GPC5: variants seen among roughly 807,000 people sequenced by gnomAD.
The protein encoded by GPC5 is glypican 5.
Under a neutral mutation model 53.9 loss-of-function variants are expected in GPC5, and 47 were observed. The observed-to-expected ratio is 0.87, with a 90% CI of 0.69 to 1.11. The LOEUF (loss-of-function observed/expected upper bound fraction) is 1.11. Ranked by LOEUF, GPC5 falls within the 50% of genes most tolerant of loss-of-function variation. The pLI, the probability that GPC5 is intolerant of heterozygous loss-of-function variation, is 0.00. For synonymous variants in GPC5, 286 were observed against 263.3 expected, an observed-to-expected ratio of 1.09 and a Z score of -0.84; for missense variants, 748 against 713.1, an observed-to-expected ratio of 1.05 and a Z score of -0.56.
intron 2 of GPC5, among the ~76,000 whole-genome samples, chr13:91,643,463 T>C (rs2034483204): frequency 6.6e-6 from 1 of 152,220 alleles, no homozygotes; most frequent in Admixed American, 6.5e-5. Flanking sequence ...TTGGGCCCTT[T>C]GTATGACAAA....
intron 7 of GPC5, among the ~76,000 whole-genome samples, chr13:92,217,290 C>G (rs1453755038): frequency 6.6e-6 from 1 of 152,184 alleles, no homozygotes; most frequent in Non-Finnish European, 1.5e-5. Context: ...GACTCCTAAG[C>G]CTTCTCCTAA....
At chr13:91,901,341 A>G (rs1279070046) in intron 5 of GPC5, among the ~76,000 whole-genome samples, 1 of 152,112 alleles carries the variant, frequency 6.6e-6, no homozygotes, top group Non-Finnish European at 1.5e-5. Context: ...GTGGGATCAC[A>G]AAAGGCTTAA....
chr13:92,148,998 C>A (rs1225249172), intron 7 of GPC5, among the ~76,000 whole-genome samples: 1 of 152,008 alleles, frequency 6.6e-6, no homozygotes, highest in Non-Finnish European at 1.5e-5. Context: ...ACAATAATTA[C>A]TTATAAAAAG....
intron 7 of GPC5, among the ~76,000 whole-genome samples, chr13:92,224,501 C>A (rs1000143418): frequency 1.3e-5 from 2 of 152,150 alleles, no homozygotes; most frequent in African/African-American, 4.8e-5. Context: ...CAAGGCTGGC[C>A]CTTGCCTGTC....
intron 7 of GPC5, among the ~76,000 whole-genome samples, chr13:92,488,486 C>T (rs1220540511): frequency 2.0e-5 from 3 of 152,148 alleles, no homozygotes; most frequent in Admixed American, 6.5e-5. Flanking sequence ...AAAATCCCTC[C>T]GTTGCCATAC....
At chr13:91,633,713 A>G (rs2034217096) in intron 2 of GPC5, among the ~76,000 whole-genome samples, 1 of 152,170 alleles carries the variant, frequency 6.6e-6, no homozygotes, top group Non-Finnish European at 1.5e-5. Context: ...TTGAAATTTC[A>G]ACATCAACAT....
intron 7 of GPC5, among the ~76,000 whole-genome samples, chr13:92,708,825 G>A (rs1321206365): frequency 3.9e-5 from 5 of 128,704 alleles, no homozygotes; most frequent in Non-Finnish European, 7.9e-5. Flanking sequence ...TGATTTACAT[G>A]TGCCTACTAG....
At chr13:92,231,795 A>T (rs113129288) in intron 7 of GPC5, among the ~76,000 whole-genome samples, 1 of 151,972 alleles carries the variant, frequency 6.6e-6, no homozygotes, top group Non-Finnish European at 1.5e-5. Context: ...GTGAAACCCC[A>T]TCTCTACTAA....
intron 6 of GPC5, among the ~76,000 whole-genome samples, chr13:91,953,171 G>C (rs879196729): frequency 3.2e-4 from 48 of 152,282 alleles, no homozygotes; most frequent in Admixed American, 1.0e-3. Context: ...ACAGAGAAAG[G>C]AAACAAGCTA....
intron 7 of GPC5, among the ~76,000 whole-genome samples, chr13:92,365,269 GGTAA>G (rs1284656037): frequency 6.6e-6 from 1 of 151,610 alleles, no homozygotes; most frequent in Non-Finnish European, 1.5e-5. Context: ...ATAATAAAAT[GGTAA>G]GTATTTGTGT....
intron 5 of GPC5, among the ~76,000 whole-genome samples, chr13:91,890,855 T>C (rs768435838): frequency 1.3e-5 from 2 of 152,178 alleles, no homozygotes; most frequent in African/African-American, 2.4e-5. Flanking sequence ...AGAAGTCTCA[T>C]TGTGATTTGG....
intron 6 of GPC5, among the ~76,000 whole-genome samples, chr13:91,994,238 C>A (rs1038230582): frequency 6.6e-6 from 1 of 152,148 alleles, no homozygotes; most frequent in Non-Finnish European, 1.5e-5. Flanking sequence ...AGTGAGCTAG[C>A]CCTGAAAAGG....
chr13:92,153,890 T>C (rs1190483998), intron 7 of GPC5, among the ~76,000 whole-genome samples: 1 of 152,210 alleles, frequency 6.6e-6, no homozygotes, highest in Non-Finnish European at 1.5e-5. Context: ...TATGACAAAT[T>C]TTTGCTTCCT....
chr13:92,856,579 A>C (rs993082341), intron 7 of GPC5, among the ~76,000 whole-genome samples: 4 of 152,234 alleles, frequency 2.6e-5, no homozygotes, highest in Middle Eastern at 3.4e-3. Flanking sequence ...TCTATGCCTA[A>C]AAAATTCTAA....
At chr13:91,621,759 CATTATAT>C (rs1248688904) in intron 2 of GPC5, among the ~76,000 whole-genome samples, 3,666 of 107,396 alleles carry the variant, frequency 0.034, 686 homozygotes, top group African/African-American at 0.17. Context: ...AGGGACAGAA[CATTATAT>C]ATATATATAT....
intron 7 of GPC5, among the ~76,000 whole-genome samples, chr13:92,833,277 G>A (rs147765223): frequency 1.1e-3 from 170 of 152,236 alleles, no homozygotes; most frequent in African/African-American, 4.0e-3. Context: ...TGTCCCTTGT[G>A]ACTAATGTAA....
chr13:92,756,499 T>G (rs34510448), intron 7 of GPC5, among the ~76,000 whole-genome samples: 18 of 151,884 alleles, frequency 1.2e-4, no homozygotes, highest in East Asian at 5.9e-4. Flanking sequence ...GGCAGGAGAA[T>G]GAAATAAAGG....
chr13:92,264,778 T>C (rs886844806), intron 7 of GPC5, among the ~76,000 whole-genome samples: 3 of 152,038 alleles, frequency 2.0e-5, no homozygotes, highest in Admixed American at 2.0e-4. Context: ...AGCAACATGT[T>C]CATGCTTTAT....
intron 4 of GPC5, among the ~76,000 whole-genome samples, chr13:91,748,072 A>G (rs898765958): frequency 6.6e-6 from 1 of 152,186 alleles, no homozygotes; most frequent in Non-Finnish European, 1.5e-5. Context: ...TGTACAGTTT[A>G]AAATGTTTCC....
Sources: allele counts gnomAD v4.1 joint callset (sites outside exome capture counted in the v4.1 genomes callset), GRCh38; gene constraint gnomAD v4.1.1; transcripts MANE v1.5; gene names NCBI Gene and HGNC (gene_info 2026-07-23, HGNC 2026-07-21).